HSCB: variants seen among roughly 807,000 people sequenced by gnomAD.
The protein encoded by HSCB is iron-sulfur cluster co-chaperone protein HscB.
In HSCB, 23 loss-of-function variants were observed where a neutral mutation model predicts 31.3. The ratio of observed to expected loss-of-function variants is 0.74; its 90% confidence interval spans 0.53 to 1.04. The LOEUF is 1.04. Ranked by LOEUF, HSCB falls within the 50% of genes least tolerant of loss-of-function variation. The probability of loss-of-function intolerance (pLI) is 0.00; values close to 1 mark genes in which losing one functional copy is unlikely to be tolerated. For synonymous variants in HSCB, 110 were observed against 104.5 expected, an observed-to-expected ratio of 1.05 and a Z score of -0.32; for missense variants, 297 against 288.1, an observed-to-expected ratio of 1.03 and a Z score of -0.22.
intron 5 of HSCB, among the ~76,000 whole-genome samples, chr22:28,754,206 A>G (rs2030450249): frequency 6.6e-6 from 1 of 152,208 alleles, no homozygotes; most frequent in Non-Finnish European, 1.5e-5. Context: ...TACTATGTGA[A>G]ATGTCAGTCA....
intron 4 of HSCB, among the ~76,000 whole-genome samples, chr22:28,749,354 A>G (rs1028974666): frequency 1.3e-5 from 2 of 151,954 alleles, no homozygotes; most frequent in African/African-American, 4.8e-5. Flanking sequence ...CCTCCGCCCC[A>G]TTTAAGTTAA....
At position 28,742,221 on chromosome 22, in the gene HSCB, GA is replaced by G; in HGVS notation, c.128del (p.Asn43ThrfsTer82). The G allele has an allele frequency of 6.2e-7, 1 of 1,613,974 alleles. No individual in the cohort carries two copies. Among genetic ancestry groups the G allele is most frequent in the Non-Finnish European group, 8.5e-7 (1 of 1,179,982 alleles). ...CGGGAAGCAATTATCCCCGCTGTTG[GA>G]ACTGCGGCGGCCCATGGGGCCCCGG... ...QAGSNYPRCW[N>X]CGGPWGPGRE... On this transcript the variant is annotated frameshift_variant, in exon 1 of 6. Coordinates refer to ENST00000216027, the MANE Select transcript of HSCB (RefSeq NM_172002.5). LOFTEE classifies it high-confidence loss of function.
intron 2 of HSCB, among the ~76,000 whole-genome samples, chr22:28,744,287 C>T (rs2054645861): frequency 6.6e-6 from 1 of 152,242 alleles, no homozygotes; most frequent in Non-Finnish European, 1.5e-5. Context: ...CACAGTGACT[C>T]ACGCCTGTAA....
At chr22:28,743,854 T>C in intron 1 of HSCB, 28 bp from the exon 2 acceptor site, 14 of 1,574,252 alleles carry the variant, frequency 8.9e-6, no homozygotes, top group Non-Finnish European at 1.0e-5. Context: ...ATTTGTTGTA[T>C]AAATTTAATC....
chr22:28,743,146 G>A (rs2054614414), intron 1 of HSCB, among the ~76,000 whole-genome samples: 1 of 152,142 alleles, frequency 6.6e-6, no homozygotes, highest in African/African-American at 2.4e-5. Context: ...TCTTGCAGTT[G>A]GGGAGAGAGA....
At chr22:28,750,149 T>C (rs2030112758) in intron 4 of HSCB, among the ~76,000 whole-genome samples, 1 of 146,480 alleles carries the variant, frequency 6.8e-6, no homozygotes, top group South Asian at 2.1e-4. Flanking sequence ...CTTCAGAGGC[T>C]GAGGCAGGAG....
Position 28,757,117 on chromosome 22 carries a change from G to C in HSCB, c.656G>C (p.Arg219Thr), listed in dbSNP as rs776301855. Residue 219 changes from arginine to threonine, a missense_variant, in exon 6 of 6, where the codon AGA becomes ACA. Transcript: ENST00000216027. ...GCCAAGGAAATTTTGACAAAGATGA[G>C]ATACTTTTCAAATATAGAAGAAAAG... ...EEAKEILTKMRYFSNIEEKIK... is the reference protein window; with the variant it reads ...EEAKEILTKMTYFSNIEEKIK... The C allele has an allele frequency of 2.5e-6, 4 of 1,570,302 alleles. No individual in the cohort carries two copies. The highest frequency in any genetic ancestry group is 2.6e-6 in the Non-Finnish European group (3 of 1,140,744).
At position 28,757,059 on chromosome 22, in the gene HSCB, G is replaced by T. The variant is rs913636372; in HGVS notation, c.617-19G>T. On this transcript the variant is annotated intron_variant, in intron 5 of 5. Transcript: ENST00000216027. ...TTGCTTGAAATGAAGCCTGACTTCAGTGTCTCTGTCTATTTCAGATGACTT... is the reference window on the plus strand; with the variant it reads ...TTGCTTGAAATGAAGCCTGACTTCATTGTCTCTGTCTATTTCAGATGACTT... 1.5e-6 allele frequency: 2 copies of T among 1,378,072 alleles called. No individual in the cohort carries two copies. Among genetic ancestry groups the T allele is most frequent in the Non-Finnish European group, 2.1e-6 (2 of 965,534 alleles). The allele number at this position is 1,378,072 out of a possible 1,614,324, so 85.4% of individuals were successfully genotyped here.
chr22:28,743,186 A>C (rs2146204414), intron 1 of HSCB, among the ~76,000 whole-genome samples: 1 of 152,314 alleles, frequency 6.6e-6, no homozygotes, highest in Middle Eastern at 3.4e-3. Context: ...GGGCATGGGC[A>C]GAAGGAAATT....
chr22:28,742,419 G>T, intron 1 of HSCB, 88 bp downstream of exon 1: 1 of 1,540,380 alleles, frequency 6.5e-7, no homozygotes, highest in African/African-American at 1.4e-5. Context: ...CTGGCTGGCG[G>T]AAGAGAAGGC....
chr22:28,750,201 A>G (rs938662752), intron 4 of HSCB, among the ~76,000 whole-genome samples: 2 of 140,146 alleles, frequency 1.4e-5, no homozygotes, highest in Non-Finnish European at 3.0e-5. Context: ...GTGAGCCGAG[A>G]TCGCACCATT....
rs758451182 is a variant in HSCB at position 28,750,945 on chromosome 22, C to CTTTTTTTTTTTT, written c.569-283_569-272dup. The stretch of plus-strand genomic sequence containing the variant: ...GGAGATAATCAAAGTATATCTTTGT[C>CTTTTTTTTTTTT]TTTTTTTTTTTTTTTTTTTTTTTTA... On this transcript the variant is annotated intron_variant, in intron 4 of 5. Transcript: ENST00000216027. Among the ~76,000 whole-genome samples the CTTTTTTTTTTTT allele has an allele frequency of 4.4e-3, 250 of 56,426 alleles. 19 individuals are homozygous for CTTTTTTTTTTTT. Among genetic ancestry groups the CTTTTTTTTTTTT allele is most frequent in the Non-Finnish European group, 6.4e-3 (198 of 30,910 alleles). The allele number at this position is 56,426 out of a possible 152,430, so 37.0% of individuals were successfully genotyped here. A position where few individuals can be genotyped will look rare whatever the true frequency, so the allele number is the denominator to read the frequency against.
chr22:28,748,695 T>A (rs1048093337), intron 4 of HSCB, among the ~76,000 whole-genome samples: 2 of 151,994 alleles, frequency 1.3e-5, no homozygotes, highest in African/African-American at 2.4e-5. Flanking sequence ...CTATTTTTTT[T>A]AAGTAGTGAC....
intron 1 of HSCB, 92 bp from the exon 2 acceptor site, chr22:28,743,790 T>G: frequency 1.9e-6 from 2 of 1,040,080 alleles, no homozygotes; most frequent in Admixed American, 3.5e-5. Flanking sequence ...TATATGTTAT[T>G]GCATCTTCCC....
At chr22:28,747,887 A>G (rs2029940367) in intron 4 of HSCB, among the ~76,000 whole-genome samples, 1 of 148,852 alleles carries the variant, frequency 6.7e-6, no homozygotes, top group African/African-American at 2.4e-5. Flanking sequence ...CCCCCCCAAA[A>G]AAATCTGTTC....
Position 28,756,998 on chromosome 22 carries a change from A to G in HSCB, c.617-80A>G, listed in dbSNP as rs969706520. ...CTCCGGACCCCAGGGCTCCACTTAT[A>G]TATCGCTGCCCTAGTCATCAGAGTT... On this transcript the variant is annotated intron_variant, in intron 5 of 5. Transcript: ENST00000216027. The G allele has an allele frequency of 3.7e-6, 3 of 811,310 alleles. No homozygotes were observed. In the South Asian group the frequency reaches 4.1e-5, roughly 11 times the overall value. The allele number at this position is 811,310 out of a possible 1,614,324, so 50.3% of individuals were successfully genotyped here.
At chr22:28,747,139 G>A (rs989984962) in intron 4 of HSCB, among the ~76,000 whole-genome samples, 1 of 152,120 alleles carries the variant, frequency 6.6e-6, no homozygotes, top group African/African-American at 2.4e-5. Flanking sequence ...TTACAGTCTT[G>A]ATACAGAATT....
intron 3 of HSCB, among the ~76,000 whole-genome samples, chr22:28,744,911 C>T (rs2054659191): frequency 6.6e-6 from 1 of 151,886 alleles, no homozygotes; most frequent in Non-Finnish European, 1.5e-5. Flanking sequence ...GATGACACCC[C>T]ATTTCTACAA....
In HSCB at chr22:28,743,934, C is replaced by G; in HGVS notation, c.289C>G (p.Leu97Val). Residue 97 changes from leucine (L) to valine (V), a missense_variant, in exon 2 of 6, where the codon CTG becomes GTG. Coordinates refer to ENST00000216027, the MANE Select transcript of HSCB (RefSeq NM_172002.5). ...TAKLQHRYQQ[L>V]QRLVHPDFFS... The stretch of plus-strand genomic sequence containing the variant: ...GAAGCTCCAGCACAGGTACCAGCAA[C>G]TGCAGCGTCTTGTCCACCCAGATTT... The G allele has an allele frequency of 6.2e-7, 1 of 1,614,210 alleles. No individual in the cohort carries two copies. Among genetic ancestry groups the G allele is most frequent in the African/African-American group, 1.3e-5 (1 of 75,070 alleles).
Sources: gnomAD v4.1 joint callset for allele counts (sites outside exome capture counted in the v4.1 genomes callset) on GRCh38, gnomAD v4.1.1 for gene constraint, MANE v1.5 for transcripts, NCBI Gene and HGNC (gene_info 2026-07-23, HGNC 2026-07-21) for gene names.